UTRN: variants seen among roughly 807,000 people sequenced by gnomAD.
The protein encoded by UTRN is dystrophin-related protein 1.
A neutral mutation model predicts 463.9 loss-of-function variants in UTRN; 283 were observed. That is an observed-to-expected ratio of 0.61 (90% CI 0.55 to 0.67). The LOEUF is 0.67. Ranked by LOEUF, UTRN falls within the 30% of genes least tolerant of loss-of-function variation. UTRN has a pLI of 0.00. For synonymous variants in UTRN, 1,442 were observed against 1,431.5 expected, an observed-to-expected ratio of 1.01 and a Z score of -0.17; for missense variants, 3,922 against 4,084.3, an observed-to-expected ratio of 0.96 and a Z score of 1.08.
intron 23 of UTRN, among the ~76,000 whole-genome samples, chr6:144,466,353 G>A (rs938865012): frequency 2.0e-5 from 3 of 152,152 alleles, no homozygotes; most frequent in Admixed American, 6.5e-5. Flanking sequence ...TTATTTGTTG[G>A]CATTGCAGTG....
At chr6:144,690,291 C>T (rs1299343293) in intron 52 of UTRN, among the ~76,000 whole-genome samples, 1 of 151,394 alleles carries the variant, frequency 6.6e-6, no homozygotes, top group African/African-American at 2.4e-5. Context: ...GCACAGCTGC[C>T]TCTGCTGCAC....
intron 50 of UTRN, among the ~76,000 whole-genome samples, chr6:144,564,165 A>G (rs1800184016): frequency 6.6e-6 from 1 of 152,188 alleles, no homozygotes. Context: ...CCTGCAATGT[A>G]CGTAAGTGGT....
At position 144,474,772 on chromosome 6, in the gene UTRN, A is replaced by G. The variant is rs6921217; in HGVS notation, c.3336+13A>G. ...ACTTAGCAAGGAGGTGAGTTTTTCA[A>G]CTTTACTACCTACGGTTTTCAGGAG... On this transcript the variant is annotated intron_variant, in intron 25 of 74. Coordinates refer to ENST00000367545, the MANE Select transcript of UTRN (RefSeq NM_007124.3). 1.9e-3 allele frequency: 3,109 copies of G among 1,610,554 alleles called. 45 individuals carry two copies. The African/African-American group carries it at 0.032, about 17-fold the overall frequency.
intron 27 of UTRN, among the ~76,000 whole-genome samples, chr6:144,485,061 G>A (rs1403267042): frequency 6.6e-6 from 1 of 151,590 alleles, no homozygotes; most frequent in African/African-American, 2.4e-5. Context: ...ACAGGCATCC[G>A]CCACCACACC....
intron 45 of UTRN, among the ~76,000 whole-genome samples, chr6:144,541,520 G>T (rs560071702): frequency 2.0e-5 from 3 of 152,306 alleles, no homozygotes; most frequent in African/African-American, 7.2e-5. Flanking sequence ...GACCAACAAT[G>T]CTCATTGTGC....
At chr6:144,775,577 G>T (rs550066025) in intron 60 of UTRN, among the ~76,000 whole-genome samples, 1 of 152,156 alleles carries the variant, frequency 6.6e-6, no homozygotes, top group Admixed American at 6.5e-5. Flanking sequence ...AGTAAATTAC[G>T]AACACACAAA....
rs1781101324 is a variant in UTRN at position 144,836,335 on chromosome 6, C to G, written c.9859C>G (p.Gln3287Glu). 2 of 1,614,126 alleles carry G rather than the reference C, an allele frequency of 1.2e-6. No individual in the cohort carries two copies. The highest frequency in any genetic ancestry group is 1.1e-5 in the South Asian group (1 of 91,066). ...LQVEYEQLKD[Q>E]HLRRGLPVGS... ...GGTGGAGTATGAGCAGCTGAAGGAC[C>G]AGCACCTCCGAAGGGGGCTCCCTGT... The change falls in exon 71 of 75, where the codon CAG (glutamine) becomes GAG (glutamate). Residue 3287 changes from glutamine to glutamate, a missense_variant. This residue lies in a region of UTRN where 1,309 missense variants were observed against 1,452.6 expected (regional missense o/e 0.90). Transcript: ENST00000367545.
intron 2 of UTRN, among the ~76,000 whole-genome samples, chr6:144,306,821 C>T (rs563426829): frequency 4.0e-5 from 6 of 151,076 alleles, no homozygotes; most frequent in East Asian, 1.9e-4. Context: ...TTTGAAAGGC[C>T]GAGGCGGGCG....
intron 10 of UTRN, among the ~76,000 whole-genome samples, chr6:144,436,794 A>G (rs968836094): frequency 7.0e-6 from 1 of 143,324 alleles, no homozygotes; most frequent in Admixed American, 7.0e-5. Context: ...ATATATATTT[A>G]TATATAAATA....
intron 63 of UTRN, among the ~76,000 whole-genome samples, chr6:144,795,335 T>A (rs1777116234): frequency 6.6e-6 from 1 of 152,184 alleles, no homozygotes. Context: ...TAAACATACG[T>A]GCGCATGTGT....
intron 73 of UTRN, among the ~76,000 whole-genome samples, chr6:144,841,967 G>A (rs1030746187): frequency 4.0e-5 from 6 of 151,794 alleles, no homozygotes; most frequent in Admixed American, 1.3e-4. Flanking sequence ...AAAAGTAGCC[G>A]GGCATGGTGG....
chr6:144,342,940 C>T (rs1344529949), intron 2 of UTRN, among the ~76,000 whole-genome samples: 1 of 152,098 alleles, frequency 6.6e-6, no homozygotes, highest in Non-Finnish European at 1.5e-5. Flanking sequence ...CAGGTGAAGT[C>T]AGCCCGTCCA....
intron 19 of UTRN, 123 bp from the exon 20 acceptor site, chr6:144,458,647 C>T: frequency 2.5e-6 from 3 of 1,198,708 alleles, no homozygotes; most frequent in Non-Finnish European, 3.4e-6. Flanking sequence ...TTAAAAGGGA[C>T]TTAAGAAAGT....
At chr6:144,428,393 G>T (rs1785488947) in intron 7 of UTRN, among the ~76,000 whole-genome samples, 1 of 148,896 alleles carries the variant, frequency 6.7e-6, no homozygotes, top group African/African-American at 2.5e-5. Flanking sequence ...CGCATAGTGT[G>T]AGCTGCTCAT....
intron 55 of UTRN, among the ~76,000 whole-genome samples, chr6:144,751,038 A>T (rs1180253105): frequency 6.6e-6 from 1 of 152,170 alleles, no homozygotes; most frequent in Admixed American, 6.6e-5. Context: ...TGACAGGGAT[A>T]GATCTTACCT....
At chr6:144,537,954 C>T (rs145565565) in intron 44 of UTRN, among the ~76,000 whole-genome samples, 1 of 152,122 alleles carries the variant, frequency 6.6e-6, no homozygotes, top group East Asian at 1.9e-4. Context: ...AGTATTAGAC[C>T]AAAGGTTTTT....
intron 51 of UTRN, among the ~76,000 whole-genome samples, chr6:144,666,545 A>T (rs78117177): frequency 0.015 from 2,270 of 152,342 alleles, 52 homozygotes; most frequent in African/African-American, 0.051. Flanking sequence ...TATGTAACAG[A>T]GACTGTGAGG....
chr6:144,597,019 A>G (rs1803720512), intron 51 of UTRN, among the ~76,000 whole-genome samples: 1 of 152,174 alleles, frequency 6.6e-6, no homozygotes, highest in African/African-American at 2.4e-5. Context: ...TGGACAGATC[A>G]TGAGGTCAGG....
At chr6:144,365,859 T>A (rs1392502384) in intron 2 of UTRN, among the ~76,000 whole-genome samples, 1 of 152,204 alleles carries the variant, frequency 6.6e-6, no homozygotes, top group Non-Finnish European at 1.5e-5. Context: ...TGCTTCGGCC[T>A]CCTGCATAGC....
Sources: allele counts gnomAD v4.1 joint callset (sites outside exome capture counted in the v4.1 genomes callset), GRCh38; gene constraint gnomAD v4.1.1; regional missense constraint gnomAD v4.1.1; transcripts MANE v1.5; gene names NCBI Gene and HGNC (gene_info 2026-07-23, HGNC 2026-07-21).